The following SLC35F1 variants were observed in gnomAD, a reference collection of about 807,000 sequenced individuals.
SLC35F1 encodes solute carrier family 35 member F1.
In SLC35F1, 14 loss-of-function variants were observed where a neutral mutation model predicts 48.7. That is an observed-to-expected ratio of 0.29 (90% CI 0.19 to 0.45). The LOEUF is 0.45. Among genes scored for constraint, SLC35F1 ranks in the 20% least tolerant of loss-of-function variants. The pLI, the probability that SLC35F1 is intolerant of heterozygous loss-of-function variation, is 1.00. For synonymous variants in SLC35F1, 190 were observed against 202.2 expected, an observed-to-expected ratio of 0.94 and a Z score of 0.51; for missense variants, 404 against 500.0, an observed-to-expected ratio of 0.81 and a Z score of 1.83.
At chr6:118,053,864 C>T (rs9387547) in intron 1 of SLC35F1, among the ~76,000 whole-genome samples, 26,030 of 152,030 alleles carry the variant, frequency 0.17, 2,626 homozygotes, top group East Asian at 0.3. Flanking sequence ...AGCAAGAACA[C>T]TTTTATGATT....
At chr6:118,177,515 A>G (rs546983368) in intron 2 of SLC35F1, among the ~76,000 whole-genome samples, 4 of 152,246 alleles carry the variant, frequency 2.6e-5, no homozygotes, top group East Asian at 1.9e-4. Context: ...AATGAAAAGC[A>G]TGGCTTGAAT....
chr6:118,071,133 A>ATG (rs1772716200), intron 1 of SLC35F1, among the ~76,000 whole-genome samples: 1 of 131,664 alleles, frequency 7.6e-6, no homozygotes, highest in East Asian at 2.2e-4. Flanking sequence ...ATACATATAT[A>ATG]CATATATATA....
chr6:118,157,922 A>T (rs1774170102), intron 2 of SLC35F1, among the ~76,000 whole-genome samples: 1 of 152,180 alleles, frequency 6.6e-6, no homozygotes, highest in African/African-American at 2.4e-5. Flanking sequence ...ACATTCATTA[A>T]CCATCACAAG....
chr6:118,203,999 C>T (rs1285117001), intron 2 of SLC35F1, among the ~76,000 whole-genome samples: 2 of 151,058 alleles, frequency 1.3e-5, no homozygotes, highest in Admixed American at 6.6e-5. Flanking sequence ...GTAATAAATG[C>T]CGTAAAGGAA....
intron 1 of SLC35F1, among the ~76,000 whole-genome samples, chr6:117,945,177 TG>T (rs1220739734): frequency 6.6e-6 from 1 of 152,204 alleles, no homozygotes. Flanking sequence ...GGGCCAGTGC[TG>T]TCCCCATCCG....
At chr6:118,142,973 T>C (rs904466581) in intron 1 of SLC35F1, among the ~76,000 whole-genome samples, 1 of 152,304 alleles carries the variant, frequency 6.6e-6, no homozygotes, top group African/African-American at 2.4e-5. Flanking sequence ...TCTCTGCATG[T>C]TCTTTCAAGT....
chr6:118,225,112 A>T (rs989979422), intron 2 of SLC35F1, among the ~76,000 whole-genome samples: 5 of 152,212 alleles, frequency 3.3e-5, no homozygotes, highest in African/African-American at 1.2e-4. Flanking sequence ...AAAGCAAATT[A>T]TAGGCTCAAT....
chr6:118,045,864 A>C (rs1040349752), intron 1 of SLC35F1, among the ~76,000 whole-genome samples: 6 of 152,172 alleles, frequency 3.9e-5, no homozygotes, highest in African/African-American at 1.4e-4. Context: ...ACATTGTTAC[A>C]TTTACTCCTT....
intron 1 of SLC35F1, among the ~76,000 whole-genome samples, chr6:118,137,644 T>G (rs1773816317): frequency 6.6e-6 from 1 of 152,224 alleles, no homozygotes; most frequent in Non-Finnish European, 1.5e-5. Context: ...CCAGAAGGTT[T>G]GCTGGTTTTA....
chr6:118,039,780 A>T (rs1772184432), intron 1 of SLC35F1, among the ~76,000 whole-genome samples: 1 of 142,554 alleles, frequency 7.0e-6, no homozygotes, highest in African/African-American at 2.6e-5. Context: ...TAATTTTAAC[A>T]TCTAAGCATC....
intron 1 of SLC35F1, among the ~76,000 whole-genome samples, chr6:118,102,599 T>A (rs893026155): frequency 1.3e-5 from 2 of 152,268 alleles, no homozygotes; most frequent in Non-Finnish European, 2.9e-5. Flanking sequence ...AGTGACAGTT[T>A]CACGTTGTGG....
chr6:118,048,229 A>C (rs1772329272), intron 1 of SLC35F1, among the ~76,000 whole-genome samples: 1 of 152,152 alleles, frequency 6.6e-6, no homozygotes, highest in African/African-American at 2.4e-5. Flanking sequence ...CCAGGGATGA[A>C]GCCCACTTGA....
intron 1 of SLC35F1, among the ~76,000 whole-genome samples, chr6:117,963,347 G>GTTT (rs397887556): frequency 1.4e-5 from 2 of 144,402 alleles, no homozygotes; most frequent in African/African-American, 2.5e-5. Context: ...TTATTTTATT[G>GTTT]TTTTTTTTTT....
At position 118,225,663 on chromosome 6, in the gene SLC35F1, C is replaced by G. The variant is rs1775205685; in HGVS notation, c.350-9846C>G. 2.0e-5 allele frequency among the ~76,000 whole-genome samples: 3 copies of G among 152,062 alleles called. No homozygotes were observed. In the South Asian group the frequency reaches 6.2e-4, roughly 31 times the overall value. On this transcript the variant is annotated intron_variant, in intron 2 of 7. Coordinates refer to ENST00000360388, the MANE Select transcript of SLC35F1 (RefSeq NM_001029858.4). ...AAATGGGGTCATATCAAGTTAAAAACCTTCTTCACAGCATCCTGGCTAACA... is the reference window on the plus strand; with the variant it reads ...AAATGGGGTCATATCAAGTTAAAAAGCTTCTTCACAGCATCCTGGCTAACA...
intron 1 of SLC35F1, among the ~76,000 whole-genome samples, chr6:117,975,201 T>C (rs1776690560): frequency 6.6e-6 from 1 of 152,230 alleles, no homozygotes; most frequent in Non-Finnish European, 1.5e-5. Context: ...GATTTTCCAA[T>C]GTCATTCACT....
intron 7 of SLC35F1, among the ~76,000 whole-genome samples, chr6:118,290,097 C>G (rs1562352323): frequency 6.6e-6 from 1 of 152,130 alleles, no homozygotes; most frequent in Non-Finnish European, 1.5e-5. Flanking sequence ...TATTGAGAAC[C>G]ACTGATTTAA....
At chr6:118,091,905 A>G (rs572551841) in intron 1 of SLC35F1, among the ~76,000 whole-genome samples, 71 of 152,298 alleles carry the variant, frequency 4.7e-4, no homozygotes, top group African/African-American at 1.7e-3. Flanking sequence ...CTATGCGAAG[A>G]GACTGGCAGC....
intron 1 of SLC35F1, among the ~76,000 whole-genome samples, chr6:118,054,465 T>C (rs1772435183): frequency 6.6e-6 from 1 of 152,242 alleles, no homozygotes; most frequent in African/African-American, 2.4e-5. Context: ...AAAGGTTATT[T>C]TCCATCTTGG....
At chr6:118,148,833 G>A (rs1392967324) in intron 1 of SLC35F1, among the ~76,000 whole-genome samples, 1 of 152,146 alleles carries the variant, frequency 6.6e-6, no homozygotes, top group Admixed American at 6.6e-5. Context: ...GTTCTGAAAA[G>A]CACCAGAAAA....
Sources: allele counts gnomAD v4.1 joint callset (sites outside exome capture counted in the v4.1 genomes callset), GRCh38; gene constraint gnomAD v4.1.1; transcripts MANE v1.5; gene names NCBI Gene and HGNC (gene_info 2026-07-23, HGNC 2026-07-21).